Variants in FBXO28 observed in about 807,000 individuals in gnomAD.
FBXO28 encodes F-box protein 28, also known as F-box only protein 28.
FBXO28 carries 8 observed loss-of-function variants against 38.1 expected under a neutral mutation model. The observed-to-expected ratio is 0.21, with a 90% CI of 0.12 to 0.38. The LOEUF (loss-of-function observed/expected upper bound fraction) is 0.38, where lower values mean the gene tolerates loss of function less well. Among genes scored for constraint, FBXO28 ranks in the 10% least tolerant of loss-of-function variants. The pLI, the probability that FBXO28 is intolerant of heterozygous loss-of-function variation, is 1.00. For synonymous variants in FBXO28, 168 were observed against 173.8 expected (o/e 0.97, Z 0.26); for missense variants, 345 against 460.6 (o/e 0.75, Z 2.30).
intron 3 of FBXO28, among the ~76,000 whole-genome samples, chr1:224,145,857 C>G (rs528508320): frequency 6.6e-6 from 1 of 152,104 alleles, no homozygotes; most frequent in Non-Finnish European, 1.5e-5. Context: ...CACCAGAGGT[C>G]GGGAGTTTGA....
intron 2 of FBXO28, among the ~76,000 whole-genome samples, chr1:224,133,828 A>AATATATAT (rs5781349): frequency 2.7e-5 from 4 of 148,626 alleles, no homozygotes; most frequent in African/African-American, 7.4e-5. Context: ...ACCTAATTAA[A>AATATATAT]ATATATATAT....
Position 224,159,337 on chromosome 1 carries a change from G to A in FBXO28, c.*1591G>A, listed in dbSNP as rs1438491087. The A allele has an allele frequency of 2.0e-5, 3 of 151,702 alleles. No individual in the cohort carries two copies. The highest frequency in any genetic ancestry group is 4.4e-5 in the Non-Finnish European group (3 of 67,776). 9.4% of individuals were successfully genotyped at this position (151,702 alleles called of 1,614,324 possible). A position where few individuals can be genotyped will look rare whatever the true frequency, so the allele number is the denominator to read the frequency against. ...CCGTGACATGGTTATGCATCCTTTA[G>A]ATTAACCTCACCAAATGAAGCTTTT... On this transcript the variant is annotated 3_prime_UTR_variant, in exon 5 of 5. Coordinates refer to ENST00000366862, the MANE Select transcript of FBXO28 (RefSeq NM_015176.4).
rs1175457743 is a variant in FBXO28, at chr1:224,118,390, ATC to A, written c.267+3995_267+3996del. On this transcript the variant is annotated intron_variant, in intron 1 of 4. Transcript: ENST00000366862. Reference sequence around the variant, plus strand: ...TTAAAAGATGTTTTAGAGAGATACTATCAATTTTTTTCCTCTGCGATTCAACT... The same window carrying A: ...TTAAAAGATGTTTTAGAGAGATACTAAATTTTTTTCCTCTGCGATTCAACT... Among the ~76,000 whole-genome samples, 8 of 152,348 alleles carry A rather than the reference ATC, an allele frequency of 5.3e-5. No homozygotes were observed. The East Asian group carries it at 1.5e-3, about 29-fold the overall frequency.
chr1:224,146,701 AAT>A (rs1491333248), intron 3 of FBXO28, among the ~76,000 whole-genome samples: 2 of 76,976 alleles, frequency 2.6e-5, no homozygotes, highest in African/African-American at 9.9e-5. Flanking sequence ...ATAAAACTAA[AAT>A]TTTTTTTTTT....
intron 1 of FBXO28, among the ~76,000 whole-genome samples, chr1:224,124,810 A>G (rs1012334398): frequency 1.3e-5 from 2 of 152,074 alleles, no homozygotes; most frequent in East Asian, 1.9e-4. Flanking sequence ...GCTCACTGCA[A>G]CCTTCACCTC....
chr1:224,146,320 AAG>A (rs1032959337), intron 3 of FBXO28, among the ~76,000 whole-genome samples: 4 of 152,052 alleles, frequency 2.6e-5, no homozygotes, highest in African/African-American at 9.7e-5. Context: ...TAAAAAATAA[AAG>A]GGGTAGAAGG....
At chr1:224,135,240 T>C (rs6685783) in intron 3 of FBXO28, among the ~76,000 whole-genome samples, 77,890 of 151,988 alleles carry the variant, frequency 0.51, 20,980 homozygotes, top group South Asian at 0.6. Flanking sequence ...TGAATCTGAC[T>C]TAAAGGCCTT....
intron 1 of FBXO28, among the ~76,000 whole-genome samples, chr1:224,119,604 A>T (rs915462863): frequency 5.9e-5 from 9 of 152,168 alleles, no homozygotes; most frequent in African/African-American, 2.2e-4. Context: ...CTGTGTCGTC[A>T]TCAAGAGAAA....
intron 3 of FBXO28, among the ~76,000 whole-genome samples, chr1:224,143,367 G>A (rs977510043): frequency 1.3e-5 from 2 of 152,162 alleles, no homozygotes; most frequent in Admixed American, 6.5e-5. Context: ...TGCCTGTTAG[G>A]TTCATTGACA....
intron 1 of FBXO28, among the ~76,000 whole-genome samples, chr1:224,115,654 C>G (rs1656627020): frequency 6.6e-6 from 1 of 152,282 alleles, no homozygotes; most frequent in African/African-American, 2.4e-5. Flanking sequence ...TTGATTGCCT[C>G]TGAATTTCCA....
At chr1:224,125,631 A>G (rs2222234) in intron 1 of FBXO28, among the ~76,000 whole-genome samples, 151,138 of 151,232 alleles carry the variant, frequency 1, 75,522 homozygotes, top group Middle Eastern at 1. Flanking sequence ...CTGCAGAAGG[A>G]TACTCATTCT....
At chr1:224,152,925 C>CAAA (rs57616453) in intron 3 of FBXO28, among the ~76,000 whole-genome samples, 2 of 64,890 alleles carry the variant, frequency 3.1e-5, no homozygotes, top group African/African-American at 6.5e-5. Context: ...AACTCTGTCT[C>CAAA]AAAAAAAAAA....
chr1:224,127,633 G>A (rs1266982425), intron 1 of FBXO28, among the ~76,000 whole-genome samples: 1 of 152,106 alleles, frequency 6.6e-6, no homozygotes. Context: ...TATTGGCCAA[G>A]CAGGGTGGCT....
At chr1:224,129,664 G>A (rs1346908009) in intron 1 of FBXO28, among the ~76,000 whole-genome samples, 1 of 152,130 alleles carries the variant, frequency 6.6e-6, no homozygotes, top group Non-Finnish European at 1.5e-5. Flanking sequence ...CCTGCACATA[G>A]TATTAATTTC....
At chr1:224,124,951 T>G (rs1255900135) in intron 1 of FBXO28, among the ~76,000 whole-genome samples, 1 of 152,128 alleles carries the variant, frequency 6.6e-6, no homozygotes, top group East Asian at 1.9e-4. Flanking sequence ...GGTCTTGAAC[T>G]CCTAACCTCA....
Position 224,157,419 on chromosome 1 carries a change from G to A in FBXO28, c.780G>A (p.Glu260=), listed in dbSNP as rs745691947. Residue 260 remains glutamate (E), a synonymous_variant, in exon 5 of 5, where the codon GAG becomes GAA. Transcript: ENST00000366862. ...CCAAGCAAAATCCTTCAAGACAAGA[G>A]GTTACCAAACTCCAGCAGCAGGTTA... ...LFSKQNPSRQ[E]VTKLQQQVKT... 1 of 1,614,048 alleles carries A rather than the reference G, an allele frequency of 6.2e-7. No individual in the cohort carries two copies. Among genetic ancestry groups the A allele is most frequent in the African/African-American group, 1.3e-5 (1 of 74,924 alleles).
intron 4 of FBXO28, among the ~76,000 whole-genome samples, chr1:224,153,598 T>C (rs1657697043): frequency 6.6e-6 from 1 of 152,174 alleles, no homozygotes; most frequent in Non-Finnish European, 1.5e-5. Flanking sequence ...ATATCCATAT[T>C]GACTTACAAT....
rs539775048 is a variant in FBXO28 at position 224,135,592 on chromosome 1, A to G, written c.516+1380A>G. On this transcript the variant is annotated intron_variant, in intron 3 of 4. Coordinates refer to ENST00000366862, the MANE Select transcript of FBXO28 (RefSeq NM_015176.4). ...ACACCACTGCACTCCAGCCTGGGCA[A>G]CAGAGCAAGACTCTGTCTCAAAAAA... 4.9e-3 allele frequency among the ~76,000 whole-genome samples: 691 copies of G among 140,004 alleles called. 9 individuals carry two copies. Among genetic ancestry groups the G allele is most frequent in the African/African-American group, 0.015 (556 of 36,984 alleles). 91.8% of individuals were successfully genotyped at this position (140,004 alleles called of 152,430 possible).
intron 3 of FBXO28, among the ~76,000 whole-genome samples, chr1:224,149,178 T>C (rs1014415383): frequency 6.6e-6 from 1 of 152,214 alleles, no homozygotes; most frequent in African/African-American, 2.4e-5. Context: ...ATTTTAAGTA[T>C]TCTATATTTT....
Sources: gnomAD v4.1 joint callset for allele counts (sites outside exome capture counted in the v4.1 genomes callset) on GRCh38, gnomAD v4.1.1 for gene constraint, MANE v1.5 for transcripts, NCBI Gene and HGNC (gene_info 2026-07-23, HGNC 2026-07-21) for gene names.